The following GTF2IRD1 variants were observed in gnomAD, a reference collection of about 807,000 sequenced individuals.
GTF2IRD1 encodes the protein GTF2I repeat domain containing 1.
Under a neutral mutation model 113.2 loss-of-function variants are expected in GTF2IRD1, and 26 were observed. That is an observed-to-expected ratio of 0.23 (90% confidence interval 0.17 to 0.32). GTF2IRD1 has a LOEUF of 0.32. Ranked by LOEUF, GTF2IRD1 falls within the 10% of genes least tolerant of loss-of-function variation. GTF2IRD1 has a pLI of 1.00. For synonymous variants in GTF2IRD1, 484 were observed against 529.1 expected, an observed-to-expected ratio of 0.91 and a Z score of 1.17; for missense variants, 864 against 1,280.8, an observed-to-expected ratio of 0.67 and a Z score of 4.97.
intron 22 of GTF2IRD1, among the ~76,000 whole-genome samples, chr7:74,562,206 C>T (rs1465916177): frequency 1.3e-5 from 2 of 152,154 alleles, no homozygotes; most frequent in African/African-American, 2.4e-5. Flanking sequence ...CAGGGTGAAT[C>T]GGAGTGGAAG....
At chr7:74,481,002 C>CG (rs1794711965) in intron 1 of GTF2IRD1, among the ~76,000 whole-genome samples, 1 of 151,994 alleles carries the variant, frequency 6.6e-6, no homozygotes, top group Non-Finnish European at 1.5e-5. Context: ...AAGAGGCAGG[C>CG]GGCTCCCTCA....
chr7:74,492,231 C>T lies in GTF2IRD1; in HGVS notation c.-6-15844C>T, dbSNP rs144517764. Reference sequence around the variant, plus strand: ...TGTCGCCCAGGCTGGAGTTCAGTGGCGTGATCTCGGCTCACCGCAAGCTCT... The same window carrying T: ...TGTCGCCCAGGCTGGAGTTCAGTGGTGTGATCTCGGCTCACCGCAAGCTCT... On this transcript the variant is annotated intron_variant, in intron 1 of 26. Transcript: ENST00000424337. Among the ~76,000 whole-genome samples the T allele has an allele frequency of 3.0e-3, 441 of 148,578 alleles. 2 individuals carry two copies. Among genetic ancestry groups the T allele is most frequent in the Admixed American group, 0.012 (181 of 14,820 alleles).
At chr7:74,547,374 T>C in intron 17 of GTF2IRD1, 88 bp downstream of exon 17, 3 of 1,057,066 alleles carry the variant, frequency 2.8e-6, no homozygotes, top group Middle Eastern at 2.0e-4. Context: ...ATCAAGCAAT[T>C]CTTGTGCCTC....
intron 8 of GTF2IRD1, among the ~76,000 whole-genome samples, chr7:74,525,611 CGTGGCATG>C (rs782740505): frequency 2.0e-5 from 3 of 151,938 alleles, no homozygotes; most frequent in Non-Finnish European, 2.9e-5. Context: ...ATTAACTGGG[CGTGGCATG>C]GTGGCATGCA....
chr7:74,455,238 C>T (rs537583852), intron 1 of GTF2IRD1, among the ~76,000 whole-genome samples: 1 of 152,318 alleles, frequency 6.6e-6, no homozygotes, highest in Admixed American at 6.5e-5. Flanking sequence ...GGAGAATGTG[C>T]CAAGGGGTAC....
chr7:74,508,799 C>T (rs1271385067), intron 2 of GTF2IRD1, among the ~76,000 whole-genome samples: 1 of 152,090 alleles, frequency 6.6e-6, no homozygotes, highest in African/African-American at 2.4e-5. Context: ...TGGGATGAAC[C>T]ACATGCCTAT....
chr7:74,551,048 A>C (rs1163666850), intron 17 of GTF2IRD1, among the ~76,000 whole-genome samples: 3 of 151,480 alleles, frequency 2.0e-5, no homozygotes, highest in Non-Finnish European at 4.4e-5. Flanking sequence ...CCCTTTAAAA[A>C]TACAAAGAGA....
chr7:74,526,280 T>C (rs3801469), intron 8 of GTF2IRD1, among the ~76,000 whole-genome samples: 37,359 of 152,104 alleles, frequency 0.25, 4,870 homozygotes, highest in East Asian at 0.48. Context: ...GTGGTCAAGA[T>C]CTTGTTCCCC....
At chr7:74,486,616 G>A (rs1795042392) in intron 1 of GTF2IRD1, among the ~76,000 whole-genome samples, 1 of 152,122 alleles carries the variant, frequency 6.6e-6, no homozygotes, top group South Asian at 2.1e-4. Context: ...AGGAGAGCAA[G>A]GGAGAAGTTG....
intron 1 of GTF2IRD1, among the ~76,000 whole-genome samples, chr7:74,505,223 C>T: frequency 6.6e-6 from 1 of 152,204 alleles, no homozygotes; most frequent in South Asian, 2.1e-4. Context: ...TCCCACTTTA[C>T]AAATGAAAAA....
At chr7:74,568,720 A>G (rs1330239134) in intron 22 of GTF2IRD1, among the ~76,000 whole-genome samples, 1 of 152,168 alleles carries the variant, frequency 6.6e-6, no homozygotes, top group East Asian at 1.9e-4. Flanking sequence ...TGCTCATGCA[A>G]GCTCCTCTCT....
chr7:74,520,157 C>T lies in GTF2IRD1; in HGVS notation c.916+438C>T, dbSNP rs587621334. Among the ~76,000 whole-genome samples, 4 of 146,950 alleles carry T rather than the reference C, an allele frequency of 2.7e-5. No individual in the cohort carries two copies. In the East Asian group the frequency reaches 6.1e-4, roughly 22 times the overall value. ...TTTCAGGTGTCAAAGGTGGGAGATCCACATCACGTGCTATAAAGGAAGTAA... is the reference window on the plus strand; with the variant it reads ...TTTCAGGTGTCAAAGGTGGGAGATCTACATCACGTGCTATAAAGGAAGTAA... On this transcript the variant is annotated intron_variant, in intron 6 of 26. Coordinates refer to ENST00000424337, the MANE Select transcript of GTF2IRD1 (RefSeq NM_005685.4).
chr7:74,547,061 C>T lies in GTF2IRD1; in HGVS notation c.1733-42C>T, dbSNP rs114624484. The T allele has an allele frequency of 2.0e-3, 3,231 of 1,579,632 alleles. 64 individuals are homozygous for T. The African/African-American group carries it at 0.037, about 18-fold the overall frequency. On this transcript the variant is annotated intron_variant, in intron 16 of 26. Coordinates refer to ENST00000424337, the MANE Select transcript of GTF2IRD1 (RefSeq NM_005685.4). ...GGACACAGGGGTTGAGGCTCCTGGC[C>T]CTGTGGCACCGGGTGGCCCTACAGC...
At chr7:74,601,952 A>G (rs1362584989) in intron 26 of GTF2IRD1, 4 of 162,480 alleles carry the variant, frequency 2.5e-5, no homozygotes, top group Non-Finnish European at 5.4e-5. Flanking sequence ...TCAAAAATAA[A>G]TAAATAGGCT....
chr7:74,558,923 G>A lies in GTF2IRD1; in HGVS notation c.2170G>A (p.Gly724Ser), dbSNP rs782374897. The change falls in exon 21 of 27, where the codon GGC (glycine) becomes AGC (serine). Residue 724 changes from glycine to serine, a missense_variant. Around this residue, in one of 7 missense-constraint regions of GTF2IRD1, gnomAD observed 195 missense variants for 359.1 expected, o/e 0.54. Coordinates refer to ENST00000424337, the MANE Select transcript of GTF2IRD1 (RefSeq NM_005685.4). ...CTACAAGCGGATCAAGAGTAACCCC[G>A]GCTCCGTGATCATCGAGGGGCTGCC... is the stretch of plus-strand genomic sequence containing the variant. ...VPYKRIKSNP[G>S]SVIIEGLPPG... is the part of the protein sequence containing the mutation. 1.1e-5 allele frequency: 18 copies of A among 1,613,922 alleles called. No homozygotes were observed. Among genetic ancestry groups the A allele is most frequent in the South Asian group, 4.4e-5 (4 of 91,086 alleles).
chr7:74,601,325 T>C (rs587607537), intron 26 of GTF2IRD1, 145 bp downstream of exon 26: 3 of 1,538,822 alleles, frequency 1.9e-6, no homozygotes, highest in South Asian at 1.2e-5. Flanking sequence ...TCGGGGGTTA[T>C]AGATGCATCC....
At chr7:74,556,256 A>T (rs1451856023) in intron 19 of GTF2IRD1, among the ~76,000 whole-genome samples, 1 of 150,828 alleles carries the variant, frequency 6.6e-6, no homozygotes, top group Non-Finnish European at 1.5e-5. Flanking sequence ...TGTCTCAAAA[A>T]AAAAAGAAAG....
At chr7:74,489,294 G>C (rs532415697) in intron 1 of GTF2IRD1, among the ~76,000 whole-genome samples, 1 of 152,268 alleles carries the variant, frequency 6.6e-6, no homozygotes, top group South Asian at 2.1e-4. Flanking sequence ...CTAGTTGGCT[G>C]TCATGGTCGG....
chr7:74,526,452 G>T (rs1427076276), intron 8 of GTF2IRD1, among the ~76,000 whole-genome samples: 1 of 152,212 alleles, frequency 6.6e-6, no homozygotes, highest in Non-Finnish European at 1.5e-5. Context: ...CCAAATCTGG[G>T]TGAATTGGGC....
Sources: allele counts gnomAD v4.1 joint callset (sites outside exome capture counted in the v4.1 genomes callset), GRCh38; gene constraint gnomAD v4.1.1; regional missense constraint gnomAD v4.1.1; transcripts MANE v1.5; gene names NCBI Gene and HGNC (gene_info 2026-07-23, HGNC 2026-07-21).